GINS1: variants seen among roughly 807,000 people sequenced by gnomAD.
GINS1 encodes GINS complex subunit 1, also known as DNA replication complex GINS protein PSF1.
Under a neutral mutation model 34.9 loss-of-function variants are expected in GINS1, and 26 were observed. The ratio of observed to expected loss-of-function variants is 0.74; its 90% confidence interval spans 0.55 to 1.03. GINS1 has a LOEUF of 1.03. Among genes scored for constraint, GINS1 ranks in the 50% least tolerant of loss-of-function variants. The pLI, the probability that GINS1 is intolerant of heterozygous loss-of-function variation, is 0.00. For synonymous variants in GINS1, 97 were observed against 84.4 expected, an observed-to-expected ratio of 1.15 and a Z score of -0.82; for missense variants, 235 against 237.9, an observed-to-expected ratio of 0.99 and a Z score of 0.08.
chr20:25,410,903 C>T (rs530352673), intron 1 of GINS1, among the ~76,000 whole-genome samples: 14 of 152,212 alleles, frequency 9.2e-5, no homozygotes, highest in East Asian at 3.9e-4. Flanking sequence ...CATGGTTAAG[C>T]GCTGTGTTCA....
chr20:25,425,237 A>G lies in GINS1; in HGVS notation c.357A>G (p.Arg119=), dbSNP rs773059323. 1.3e-6 allele frequency: 2 copies of G among 1,521,640 alleles called. No individual in the cohort carries two copies. Among genetic ancestry groups the G allele is most frequent in the African/African-American group, 2.7e-5 (2 of 73,114 alleles). The allele number at this position is 1,521,640 out of a possible 1,614,324, so 94.3% of individuals were successfully genotyped here. ...EEMEWFNNYK[R]SLATYMRSLG... ...TGGAGTGGTTTAATAATTATAAAAG[A>G]TCTCTTGCTACTTATATGAGGTCAC... Residue 119 remains arginine, a synonymous_variant, in exon 5 of 7, where the codon AGA becomes AGG. Coordinates refer to ENST00000262460, the MANE Select transcript of GINS1 (RefSeq NM_021067.5).
intron 6 of GINS1, among the ~76,000 whole-genome samples, chr20:25,444,867 T>C (rs553670424): frequency 2.8e-4 from 42 of 152,314 alleles, no homozygotes; most frequent in African/African-American, 9.4e-4. Flanking sequence ...TCATGAATAC[T>C]TTTCAACCTT....
intron 1 of GINS1, among the ~76,000 whole-genome samples, chr20:25,411,544 C>G (rs1432380609): frequency 6.6e-6 from 1 of 152,112 alleles, no homozygotes; most frequent in East Asian, 1.9e-4. Context: ...CCTGCCTGTA[C>G]TCGCAGCACT....
Position 25,426,034 on chromosome 20 carries a change from C to T in GINS1, c.447+707C>T, listed in dbSNP as rs555224540. Among the ~76,000 whole-genome samples the T allele has an allele frequency of 1.3e-3, 205 of 152,222 alleles. 1 individual carries two copies. Among genetic ancestry groups the T allele is most frequent in the African/African-American group, 4.8e-3 (199 of 41,540 alleles). On this transcript the variant is annotated intron_variant, in intron 5 of 6. Coordinates refer to ENST00000262460, the MANE Select transcript of GINS1 (RefSeq NM_021067.5). The stretch of plus-strand genomic sequence containing the variant: ...AAACAATAACTTCTCAATACCCCTG[C>T]CTCCCATCCCCCAGCAACCACCATT...
chr20:25,417,291 A>ATC (rs1455127171), intron 3 of GINS1, 89 bp downstream of exon 3: 6 of 707,200 alleles, frequency 8.5e-6, no homozygotes, highest in Admixed American at 2.6e-5. Context: ...GAAATCTTAG[A>ATC]TCTCTCTCTC....
intron 5 of GINS1, among the ~76,000 whole-genome samples, chr20:25,437,811 A>G (rs751349052): frequency 6.6e-6 from 1 of 152,184 alleles, no homozygotes; most frequent in Non-Finnish European, 1.5e-5. Flanking sequence ...TGACATTACC[A>G]ACAGTTTTCA....
At chr20:25,442,524 C>T (rs1002939447) in intron 6 of GINS1, among the ~76,000 whole-genome samples, 1 of 151,688 alleles carries the variant, frequency 6.6e-6, no homozygotes, top group African/African-American at 2.4e-5. Context: ...CTTAAGTAAT[C>T]TCAGTATATT....
At chr20:25,436,168 G>T (rs1423854975) in intron 5 of GINS1, among the ~76,000 whole-genome samples, 3 of 151,914 alleles carry the variant, frequency 2.0e-5, no homozygotes, top group Non-Finnish European at 4.4e-5. Context: ...GCCTAGGCTG[G>T]TCTCAACCTC....
At chr20:25,441,233 A>C (rs1396148190) in intron 5 of GINS1, among the ~76,000 whole-genome samples, 2 of 152,204 alleles carry the variant, frequency 1.3e-5, no homozygotes, top group Admixed American at 6.5e-5. Context: ...TGTACTTGTA[A>C]GTATTCCTGG....
intron 4 of GINS1, among the ~76,000 whole-genome samples, chr20:25,419,435 C>A (rs2090341471): frequency 1.3e-5 from 2 of 151,966 alleles, no homozygotes; most frequent in African/African-American, 2.4e-5. Context: ...CATTTTCATT[C>A]TGTTCATTTT....
At chr20:25,424,550 A>C (rs4815426) in intron 4 of GINS1, among the ~76,000 whole-genome samples, 82,188 of 151,964 alleles carry the variant, frequency 0.54, 22,811 homozygotes, top group Admixed American at 0.61. Context: ...GTTGTTGTGC[A>C]TCCAATACCA....
At chr20:25,429,824 TCTGA>T (rs2090417310) in intron 5 of GINS1, among the ~76,000 whole-genome samples, 2 of 152,264 alleles carry the variant, frequency 1.3e-5, no homozygotes, top group African/African-American at 4.8e-5. Context: ...GTCTAATTAC[TCTGA>T]CTGTAACTCC....
intron 5 of GINS1, among the ~76,000 whole-genome samples, chr20:25,432,726 C>T (rs917421599): frequency 6.6e-6 from 1 of 151,952 alleles, no homozygotes; most frequent in African/African-American, 2.4e-5. Context: ...CTCGGCCTCC[C>T]AAAGTGCTGG....
intron 5 of GINS1, among the ~76,000 whole-genome samples, chr20:25,427,300 T>G (rs1301043901): frequency 1.3e-5 from 2 of 152,164 alleles, no homozygotes; most frequent in Admixed American, 1.3e-4. Context: ...CAGGTTCAAG[T>G]GATTCTCCTG....
chr20:25,447,714 T>TA lies in GINS1; in HGVS notation c.*1724dup, dbSNP rs2090520484. The TA allele has an allele frequency of 6.6e-6, 1 of 152,282 alleles. No homozygotes were observed. The highest frequency in any genetic ancestry group is 6.5e-5 in the Admixed American group (1 of 15,288). The allele number at this position is 152,282 out of a possible 1,614,324, so 9.4% of individuals were successfully genotyped here. A position where few individuals can be genotyped will look rare whatever the true frequency, so the allele number is the denominator to read the frequency against. On this transcript the variant is annotated 3_prime_UTR_variant, in exon 7 of 7. Coordinates refer to ENST00000262460, the MANE Select transcript of GINS1 (RefSeq NM_021067.5). ...GTGTTGAACTCCTGAGCTAAAGCAA[T>TA]ACACTTGCCTCGTCCTCCCCATGTG...
chr20:25,428,087 G>A (rs2146209172), intron 5 of GINS1, among the ~76,000 whole-genome samples: 1 of 151,990 alleles, frequency 6.6e-6, no homozygotes, highest in East Asian at 1.9e-4. Flanking sequence ...TGGCCAGGCT[G>A]GTCTTGAAAT....
intron 3 of GINS1, among the ~76,000 whole-genome samples, chr20:25,417,738 C>T (rs1448362334): frequency 6.6e-5 from 10 of 152,136 alleles, no homozygotes; most frequent in African/African-American, 1.9e-4. Flanking sequence ...TGCCTAATCT[C>T]AGCTACTTGG....
At chr20:25,429,391 G>T (rs11699032) in intron 5 of GINS1, among the ~76,000 whole-genome samples, 2,127 of 152,182 alleles carry the variant, frequency 0.014, 15 homozygotes, top group Middle Eastern at 0.02. Context: ...ATTATAGTAG[G>T]GATTGTGTAG....
chr20:25,432,779 T>C (rs1013224734), intron 5 of GINS1, among the ~76,000 whole-genome samples: 2 of 151,302 alleles, frequency 1.3e-5, no homozygotes, highest in Non-Finnish European at 2.9e-5. Context: ...TGAATTGTTA[T>C]TAGATGTGTC....
Sources: allele counts gnomAD v4.1 joint callset (sites outside exome capture counted in the v4.1 genomes callset), GRCh38; gene constraint gnomAD v4.1.1; transcripts MANE v1.5; gene names NCBI Gene and HGNC (gene_info 2026-07-23, HGNC 2026-07-21).